The following GPR158 variants were observed in gnomAD, a reference collection of about 807,000 sequenced individuals.
The protein encoded by GPR158 is metabotropic glycine receptor.
GPR158 carries 30 observed loss-of-function variants against 78.2 expected under a neutral mutation model. That is an observed-to-expected ratio of 0.38 (90% CI 0.29 to 0.52). GPR158 has a LOEUF of 0.52. GPR158 is among the 20% of genes least tolerant of loss of function. The pLI is 0.83. For missense variants in GPR158, 1,463 were observed against 1,523.5 expected, an observed-to-expected ratio of 0.96 and a Z score of 0.66; for synonymous variants, 581 against 591.1, an observed-to-expected ratio of 0.98 and a Z score of 0.25.
chr10:25,340,612 G>A (rs948520807), intron 2 of GPR158, among the ~76,000 whole-genome samples: 14 of 152,000 alleles, frequency 9.2e-5, no homozygotes, highest in African/African-American at 3.1e-4. Flanking sequence ...ATGTAAGAGC[G>A]GATGAGATAG....
At chr10:25,368,762 G>A (rs1414671036) in intron 2 of GPR158, among the ~76,000 whole-genome samples, 1 of 89,794 alleles carries the variant, frequency 1.1e-5, no homozygotes, top group African/African-American at 4.7e-5. Flanking sequence ...ATTACCTTGG[G>A]CAGTATGGCC....
chr10:25,426,037 A>C (rs1418411976), intron 4 of GPR158, among the ~76,000 whole-genome samples: 1 of 152,144 alleles, frequency 6.6e-6, no homozygotes, highest in Non-Finnish European at 1.5e-5. Flanking sequence ...GGGTTAAACA[A>C]ACTAAGTTAA....
chr10:25,242,307 G>T (rs1043689263), intron 2 of GPR158, among the ~76,000 whole-genome samples: 1 of 152,212 alleles, frequency 6.6e-6, no homozygotes, highest in Non-Finnish European at 1.5e-5. Flanking sequence ...AATCTAGATG[G>T]TGTAAAAGCT....
Position 25,586,099 on chromosome 10 carries a change from T to A in GPR158, c.1754-2908T>A, listed in dbSNP as rs1189383673. ...GTCGTGTTACATATATATTATGAAG[T>A]CATATTGTAGAGGGCTAGGAATGCC... On this transcript the variant is annotated intron_variant, in intron 7 of 10. Coordinates refer to ENST00000376351, the MANE Select transcript of GPR158 (RefSeq NM_020752.3). 3.3e-5 allele frequency among the ~76,000 whole-genome samples: 5 copies of A among 152,040 alleles called. No homozygotes were observed. In the East Asian group the frequency reaches 9.7e-4, roughly 29 times the overall value.
intron 2 of GPR158, among the ~76,000 whole-genome samples, chr10:25,303,917 T>C (rs542950603): frequency 2.6e-5 from 4 of 152,292 alleles, no homozygotes; most frequent in African/African-American, 9.6e-5. Context: ...ATTAGAGACT[T>C]AATGAAGTCA....
At chr10:25,400,728 A>G (rs1834432730) in intron 3 of GPR158, among the ~76,000 whole-genome samples, 2 of 152,192 alleles carry the variant, frequency 1.3e-5, no homozygotes, top group Non-Finnish European at 2.9e-5. Flanking sequence ...TTCTGTCTTC[A>G]GTGAAACTGC....
In GPR158 at chr10:25,544,697, T is replaced by C. The variant is rs1009714389; in HGVS notation, c.1405-6279T>C. On this transcript the variant is annotated intron_variant, in intron 5 of 10. Transcript: ENST00000376351. ...AGGAATGTTTTATAATTTGTTAAAA[T>C]ATATGTTTATATATAATATTTTTTG... 6.6e-5 allele frequency among the ~76,000 whole-genome samples: 10 copies of C among 152,222 alleles called. 1 individual carries two copies. Among genetic ancestry groups the C allele is most frequent in the Admixed American group, 3.9e-4 (6 of 15,272 alleles).
intron 5 of GPR158, among the ~76,000 whole-genome samples, chr10:25,524,057 TAATG>T (rs1262533131): frequency 6.6e-6 from 1 of 152,022 alleles, no homozygotes; most frequent in Non-Finnish European, 1.5e-5. Flanking sequence ...AAAATGAAAT[TAATG>T]AAACAATTCC....
intron 5 of GPR158, among the ~76,000 whole-genome samples, chr10:25,494,224 T>C (rs1022475754): frequency 1.3e-5 from 2 of 152,192 alleles, no homozygotes; most frequent in Non-Finnish European, 1.5e-5. Flanking sequence ...TGTAATAGTA[T>C]TGCTAAATAA....
chr10:25,556,019 A>G (rs943737611), intron 6 of GPR158, among the ~76,000 whole-genome samples: 2 of 152,194 alleles, frequency 1.3e-5, no homozygotes, highest in Admixed American at 6.5e-5. Context: ...TATTTATTTT[A>G]TGTATTCTTA....
At chr10:25,497,072 A>C (rs1415679380) in intron 5 of GPR158, among the ~76,000 whole-genome samples, 1 of 152,182 alleles carries the variant, frequency 6.6e-6, no homozygotes, top group Non-Finnish European at 1.5e-5. Context: ...GTGCATTAAG[A>C]GGCTGAGATA....
At chr10:25,423,148 T>C (rs1318363132) in intron 4 of GPR158, among the ~76,000 whole-genome samples, 23 of 108,080 alleles carry the variant, frequency 2.1e-4, no homozygotes, top group African/African-American at 5.4e-4. Context: ...TATACATATA[T>C]ATGTATATGT....
intron 5 of GPR158, among the ~76,000 whole-genome samples, chr10:25,539,677 T>C (rs1432291662): frequency 2.6e-5 from 4 of 152,168 alleles, no homozygotes; most frequent in Non-Finnish European, 1.5e-5. Context: ...ATGGAAGCTA[T>C]TCAATTTTTG....
chr10:25,598,595 T>G lies in GPR158; in HGVS notation c.2969T>G (p.Leu990Arg), dbSNP rs762429543. ...RVNPTTANSDLNPGTTQMKDN... is the reference protein window; with the variant it reads ...RVNPTTANSDRNPGTTQMKDN... Reference sequence around the variant, plus strand: ...AACCCCACCACTGCCAATTCTGACCTGAACCCAGGCACCACCCAGATGAAG... The same window carrying G: ...AACCCCACCACTGCCAATTCTGACCGGAACCCAGGCACCACCCAGATGAAG... The change falls in exon 11 of 11, where the codon CTG becomes CGG. Residue 990 changes from leucine (L) to arginine (R), a missense_variant. Physicochemically the swap from Leu to Arg is moderately radical, Grantham distance 102. Transcript: ENST00000376351. 6.2e-7 allele frequency: 1 copy of G among 1,614,068 alleles called. No individual in the cohort carries two copies. Among genetic ancestry groups the G allele is most frequent in the Non-Finnish European group, 8.5e-7 (1 of 1,179,996 alleles).
chr10:25,327,971 T>C lies in GPR158; in HGVS notation c.1009-67940T>C, dbSNP rs189085653. On this transcript the variant is annotated intron_variant, in intron 2 of 10. Transcript: ENST00000376351. The stretch of plus-strand genomic sequence containing the variant: ...CTATTCCTCTAGCTTAACTTAATGG[T>C]TTGGTAGCTAGGGAAGCCATTTTCC... Among the ~76,000 whole-genome samples, 503 of 152,298 alleles carry C rather than the reference T, an allele frequency of 3.3e-3. 2 individuals carry two copies. The highest frequency in any genetic ancestry group is 0.011 in the African/African-American group (464 of 41,562).
intron 5 of GPR158, among the ~76,000 whole-genome samples, chr10:25,472,551 G>A (rs1835522385): frequency 6.6e-6 from 1 of 152,158 alleles, no homozygotes; most frequent in Non-Finnish European, 1.5e-5. Flanking sequence ...ATTTGCCTTG[G>A]GCAGTATGGC....
At chr10:25,483,597 AC>A (rs1196637359) in intron 5 of GPR158, among the ~76,000 whole-genome samples, 1 of 151,906 alleles carries the variant, frequency 6.6e-6, no homozygotes, top group East Asian at 1.9e-4. Context: ...TCCTCACCTC[AC>A]CCGAGAATTT....
At chr10:25,471,531 C>T (rs74737958) in intron 5 of GPR158, among the ~76,000 whole-genome samples, 8,465 of 152,186 alleles carry the variant, frequency 0.056, 295 homozygotes, top group Admixed American at 0.11. Flanking sequence ...CTTGAGGAAT[C>T]GCCACACTGT....
At chr10:25,576,321 A>G (rs1397003815) in intron 7 of GPR158, among the ~76,000 whole-genome samples, 3 of 152,156 alleles carry the variant, frequency 2.0e-5, no homozygotes, top group Admixed American at 2.0e-4. Flanking sequence ...TTCCTGAATT[A>G]TGAAGAACTC....
Sources: allele counts gnomAD v4.1 joint callset (sites outside exome capture counted in the v4.1 genomes callset), GRCh38; gene constraint gnomAD v4.1.1; transcripts MANE v1.5; gene names NCBI Gene and HGNC (gene_info 2026-07-23, HGNC 2026-07-21).